VWA8: variants seen among roughly 807,000 people sequenced by gnomAD.
VWA8 encodes the protein von Willebrand factor A domain-containing protein 8.
VWA8 carries 221 observed loss-of-function variants against 241.5 expected under a neutral mutation model. The ratio of observed to expected loss-of-function variants is 0.91; its 90% confidence interval spans 0.82 to 1.02. The LOEUF (loss-of-function observed/expected upper bound fraction) is 1.02, where lower values mean the gene tolerates loss of function less well. VWA8 is among the 50% of genes least tolerant of loss of function. The pLI is 0.00. For synonymous variants in VWA8, 852 were observed against 827.1 expected (o/e 1.03, Z -0.52); for missense variants, 2,322 against 2,328.7 (o/e 1.00, Z 0.06).
intron 2 of VWA8, among the ~76,000 whole-genome samples, chr13:41,925,323 T>C (rs930485648): frequency 1.3e-5 from 2 of 152,200 alleles, no homozygotes; most frequent in Non-Finnish European, 2.9e-5. Flanking sequence ...TATTGAAGTA[T>C]AAAACTCACT....
intron 17 of VWA8, among the ~76,000 whole-genome samples, chr13:41,807,345 C>G (rs115687232): frequency 6.6e-6 from 1 of 151,910 alleles, no homozygotes; most frequent in African/African-American, 2.4e-5. Flanking sequence ...TCTACAAGGC[C>G]ACTATTACCC....
At chr13:41,697,273 T>C (rs2045221239) in intron 29 of VWA8, among the ~76,000 whole-genome samples, 1 of 152,220 alleles carries the variant, frequency 6.6e-6, no homozygotes, top group African/African-American at 2.4e-5. Flanking sequence ...AAACCACCAT[T>C]ATTTCTTAAC....
intron 37 of VWA8, among the ~76,000 whole-genome samples, chr13:41,650,617 C>A (rs527612448): frequency 3.1e-4 from 47 of 152,330 alleles, no homozygotes; most frequent in Non-Finnish European, 5.6e-4. Flanking sequence ...CATCCATTTA[C>A]TGATTTACTG....
Position 41,721,474 on chromosome 13 carries a change from T to A in VWA8, c.2860A>T (p.Lys954Ter). 1 of 1,613,844 alleles carries A rather than the reference T, an allele frequency of 6.2e-7. No individual in the cohort carries two copies. Among genetic ancestry groups the A allele is most frequent in the Non-Finnish European group, 8.5e-7 (1 of 1,179,844 alleles). Residue 954 changes from lysine to a stop codon, truncating the protein, a stop_gained, in exon 25 of 45, where the codon AAG (lysine) becomes TAG (stop). Transcript: ENST00000379310. LOFTEE classifies it high-confidence loss of function. Reference sequence around the variant, plus strand: ...AGCTCTCCAAAGGCAGCCACAAGCTTCTGAAGGATGGGCTCAGGCACATTT... The same window carrying A: ...AGCTCTCCAAAGGCAGCCACAAGCTACTGAAGGATGGGCTCAGGCACATTT... ...GPNVPEPILQ[K>*]LVAAFGELRS...
In VWA8 at chr13:41,951,192, G is replaced by A. The variant is rs1029961822; in HGVS notation, c.164-1179C>T. 4.0e-5 allele frequency among the ~76,000 whole-genome samples: 6 copies of A among 151,862 alleles called. No homozygotes were observed. The East Asian group carries it at 5.9e-4, about 15-fold the overall frequency. On this transcript the variant is annotated intron_variant, in intron 1 of 44. Transcript: ENST00000379310. The stretch of plus-strand genomic sequence containing the variant: ...AGCACTTTGGGAGGCCAAGGCAGGC[G>A]GATCACTTGAGGTCAGGAGTTAGAG...
At chr13:41,716,221 G>A (rs1008888120) in intron 26 of VWA8, among the ~76,000 whole-genome samples, 1 of 151,846 alleles carries the variant, frequency 6.6e-6, no homozygotes, top group Non-Finnish European at 1.5e-5. Context: ...CATTATGGCA[G>A]GATCAAGTAA....
intron 26 of VWA8, among the ~76,000 whole-genome samples, chr13:41,716,225 C>G (rs1433023142): frequency 6.6e-6 from 1 of 151,842 alleles, no homozygotes; most frequent in East Asian, 1.9e-4. Context: ...ATGGCAGGAT[C>G]AAGTAAAATA....
At chr13:41,787,675 G>A in intron 17 of VWA8, 132 bp from the exon 18 acceptor site, 13 of 609,546 alleles carry the variant, frequency 2.1e-5, no homozygotes, top group Admixed American at 3.1e-5. Context: ...AGATCAGTCT[G>A]GATCTGTAAA....
At chr13:41,793,974 T>A (rs142623033) in intron 17 of VWA8, among the ~76,000 whole-genome samples, 5 of 152,286 alleles carry the variant, frequency 3.3e-5, no homozygotes, top group Non-Finnish European at 7.4e-5. Context: ...ATTTCTGAGT[T>A]CTCTATTCTG....
intron 39 of VWA8, among the ~76,000 whole-genome samples, chr13:41,606,616 T>A (rs1017764545): frequency 2.0e-5 from 3 of 152,170 alleles, no homozygotes; most frequent in African/African-American, 7.2e-5. Flanking sequence ...TAATGTGTAT[T>A]TTTTATCACC....
intron 2 of VWA8, among the ~76,000 whole-genome samples, chr13:41,936,097 A>G (rs971432326): frequency 6.6e-6 from 1 of 152,158 alleles, no homozygotes; most frequent in African/African-American, 2.4e-5. Flanking sequence ...TTTTATTTTA[A>G]TCACTACTCC....
rs9566879 is a variant in VWA8 at position 41,920,268 on chromosome 13, C to T, written c.242-8100G>A. ...GTGCCCTATTCCCTGGGGCCTGAAC[C>T]TTTGAGGCTCCCCTTCTTCCCTGGA... is the stretch of plus-strand genomic sequence containing the variant. On this transcript the variant is annotated intron_variant, in intron 2 of 44. Transcript: ENST00000379310. Among the ~76,000 whole-genome samples, 220 of 152,248 alleles carry T rather than the reference C, an allele frequency of 1.4e-3. 6 individuals carry two copies. The East Asian group carries it at 0.034, about 23-fold the overall frequency.
At chr13:41,794,359 T>C (rs547470738) in intron 17 of VWA8, among the ~76,000 whole-genome samples, 6 of 152,264 alleles carry the variant, frequency 3.9e-5, no homozygotes, top group Admixed American at 3.3e-4. Flanking sequence ...ATTCCCTTGT[T>C]AGCTGTATTC....
intron 12 of VWA8, among the ~76,000 whole-genome samples, chr13:41,851,085 T>A (rs992681209): frequency 1.3e-5 from 2 of 152,232 alleles, no homozygotes; most frequent in Non-Finnish European, 2.9e-5. Flanking sequence ...TTATCACCTA[T>A]AATCATTATA....
intron 17 of VWA8, among the ~76,000 whole-genome samples, chr13:41,803,547 A>T (rs973404859): frequency 6.6e-6 from 1 of 152,200 alleles, no homozygotes; most frequent in African/African-American, 2.4e-5. Flanking sequence ...TTGTGCAGGG[A>T]AACTCCCCTT....
chr13:41,917,832 T>G (rs1297951340), intron 2 of VWA8, among the ~76,000 whole-genome samples: 1 of 152,202 alleles, frequency 6.6e-6, no homozygotes, highest in Non-Finnish European at 1.5e-5. Context: ...TACCATTTCA[T>G]CACCCCACAA....
chr13:41,836,958 T>G (rs1462966689), intron 12 of VWA8, among the ~76,000 whole-genome samples: 1 of 152,204 alleles, frequency 6.6e-6, no homozygotes, highest in Non-Finnish European at 1.5e-5. Context: ...AGTTAAATTT[T>G]ATCACCTAAA....
intron 2 of VWA8, chr13:41,925,610 C>T (rs1876793338): frequency 1.2e-5 from 2 of 162,976 alleles, no homozygotes; most frequent in Admixed American, 6.4e-5. Flanking sequence ...GGCAGTGGTA[C>T]AGGGGGCTGA....
intron 37 of VWA8, among the ~76,000 whole-genome samples, chr13:41,663,845 A>G (rs2044968660): frequency 6.6e-6 from 1 of 151,582 alleles, no homozygotes; most frequent in African/African-American, 2.4e-5. Context: ...AAATTGTTAA[A>G]TTGAACCGTC....
Sources: allele counts gnomAD v4.1 joint callset (sites outside exome capture counted in the v4.1 genomes callset), GRCh38; gene constraint gnomAD v4.1.1; transcripts MANE v1.5; gene names NCBI Gene and HGNC (gene_info 2026-07-23, HGNC 2026-07-21).